The following SLC25A48 variants were observed in gnomAD, a reference collection of about 807,000 sequenced individuals.
The protein encoded by SLC25A48 is solute carrier family 25 member 48, also known as CTC-321K16.1.
Under a neutral mutation model 32.2 loss-of-function variants are expected in SLC25A48, and 29 were observed. The observed-to-expected ratio is 0.90, with a 90% CI of 0.67 to 1.23. The LOEUF (loss-of-function observed/expected upper bound fraction) is 1.23, where lower values mean the gene tolerates loss of function less well. SLC25A48 is among the 50% of genes most tolerant of loss of function. The pLI is 0.00. For synonymous variants in SLC25A48, 164 were observed against 172.3 expected, an observed-to-expected ratio of 0.95 and a Z score of 0.38; for missense variants, 399 against 422.7, an observed-to-expected ratio of 0.94 and a Z score of 0.49.
intron 3 of SLC25A48, among the ~76,000 whole-genome samples, chr5:135,797,519 A>G (rs887111108): frequency 1.1e-4 from 17 of 151,872 alleles, no homozygotes; most frequent in African/African-American, 2.2e-4. Context: ...ATACTTCCTA[A>G]AGTTTAGAAA....
In SLC25A48 at chr5:135,879,951, C is replaced by A. The variant is rs1284598652; in HGVS notation, c.814-17C>A. The stretch of plus-strand genomic sequence containing the variant: ...GTGTGGGTCAGTCCCCTGCAATAAC[C>A]TGGCCCCTGTGCAAAGGTGTTTTTC... On this transcript the variant is annotated splice_polypyrimidine_tract_variant and intron_variant, in intron 6 of 7. Coordinates refer to ENST00000681962, the MANE Select transcript of SLC25A48 (RefSeq NM_001349336.2). 3.9e-6 allele frequency: 6 copies of A among 1,536,178 alleles called. No individual in the cohort carries two copies. Among genetic ancestry groups the A allele is most frequent in the Non-Finnish European group, 5.2e-6 (6 of 1,146,834 alleles).
intron 1 of SLC25A48, among the ~76,000 whole-genome samples, chr5:135,613,389 A>G (rs755684353): frequency 6.6e-6 from 1 of 151,866 alleles, no homozygotes; most frequent in Non-Finnish European, 1.5e-5. Flanking sequence ...GTGCCTCTTC[A>G]CTCTGTTGGT....
At chr5:135,750,971 C>A (rs1204027654) in intron 3 of SLC25A48, among the ~76,000 whole-genome samples, 1 of 152,200 alleles carries the variant, frequency 6.6e-6, no homozygotes, top group African/African-American at 2.4e-5. Flanking sequence ...TGGAACTGAG[C>A]TGAGCCACCT....
intron 3 of SLC25A48, among the ~76,000 whole-genome samples, chr5:135,801,364 T>A (rs1393252308): frequency 6.6e-6 from 1 of 151,266 alleles, no homozygotes; most frequent in Non-Finnish European, 1.5e-5. Flanking sequence ...ATGATATCAC[T>A]CTCAATATCG....
At chr5:135,701,729 A>G (rs1360577900) in intron 3 of SLC25A48, among the ~76,000 whole-genome samples, 3 of 152,168 alleles carry the variant, frequency 2.0e-5, no homozygotes, top group Non-Finnish European at 4.4e-5. Flanking sequence ...TGTGGTCCAG[A>G]TCTGGGCATT....
At chr5:135,768,726 A>G (rs757809702) in intron 3 of SLC25A48, among the ~76,000 whole-genome samples, 2 of 151,740 alleles carry the variant, frequency 1.3e-5, no homozygotes, top group Non-Finnish European at 2.9e-5. Flanking sequence ...ATTTTTCATA[A>G]TATCCAGGGA....
chr5:135,854,616 T>A (rs1215245813), intron 4 of SLC25A48, among the ~76,000 whole-genome samples: 7 of 152,234 alleles, frequency 4.6e-5, no homozygotes. Context: ...TTTCTCTGAG[T>A]TAGGCTTTGG....
At chr5:135,849,810 T>TCCCTGA (rs1252215313) in intron 2 of SLC25A48, among the ~76,000 whole-genome samples, 14 of 152,230 alleles carry the variant, frequency 9.2e-5, no homozygotes, top group Non-Finnish European at 5.9e-5. Flanking sequence ...ATGCAACTCA[T>TCCCTGA]GCAGGGCTCA....
intron 3 of SLC25A48, among the ~76,000 whole-genome samples, chr5:135,662,675 G>A (rs545986470): frequency 5.1e-5 from 7 of 137,634 alleles, no homozygotes; most frequent in Admixed American, 2.2e-4. Flanking sequence ...TCTCTTTGCC[G>A]TCTTGCAGCT....
intron 1 of SLC25A48, among the ~76,000 whole-genome samples, chr5:135,599,671 A>G (rs1229171451): frequency 6.6e-6 from 1 of 152,222 alleles, no homozygotes; most frequent in Non-Finnish European, 1.5e-5. Flanking sequence ...TCCTGACCAC[A>G]GACCAGCACA....
At chr5:135,728,438 C>G (rs920078843) in intron 3 of SLC25A48, among the ~76,000 whole-genome samples, 3 of 152,042 alleles carry the variant, frequency 2.0e-5, no homozygotes, top group African/African-American at 7.2e-5. Context: ...TATGATGACC[C>G]TTTTTCCGTG....
At chr5:135,617,076 G>T (rs769377880) in intron 1 of SLC25A48, among the ~76,000 whole-genome samples, 4 of 151,734 alleles carry the variant, frequency 2.6e-5, no homozygotes, top group Non-Finnish European at 4.4e-5. Flanking sequence ...ATCAATAAAG[G>T]CATCCAATCC....
In SLC25A48 at chr5:135,756,119, A is replaced by C. The variant is rs1755895948; in HGVS notation, c.-520-56404A>C. Among the ~76,000 whole-genome samples the C allele has an allele frequency of 3.3e-5, 5 of 152,216 alleles. No individual in the cohort carries two copies. The South Asian group carries it at 1.0e-3, about 32-fold the overall frequency. ...TGTCAACACACTATGGTATTAATGA[A>C]ATATTGCTGTGATATTTATCGTATC... On this transcript the variant is annotated intron_variant, in intron 3 of 10. Transcript: ENST00000646290.
At chr5:135,774,602 T>A (rs546028657) in intron 3 of SLC25A48, among the ~76,000 whole-genome samples, 1 of 151,856 alleles carries the variant, frequency 6.6e-6, no homozygotes, top group Non-Finnish European at 1.5e-5. Context: ...TCTTCTGATA[T>A]TGTTCCTATT....
intron 3 of SLC25A48, chr5:135,742,516 A>G (rs1755522974): frequency 2.6e-6 from 4 of 1,559,602 alleles, no homozygotes; most frequent in Non-Finnish European, 3.5e-6. Flanking sequence ...TGCTTTTCCC[A>G]ACACTGCCTT....
chr5:135,747,169 A>G (rs1755661233), intron 3 of SLC25A48, among the ~76,000 whole-genome samples: 1 of 151,916 alleles, frequency 6.6e-6, no homozygotes, highest in Non-Finnish European at 1.5e-5. Flanking sequence ...CTGAAAGACC[A>G]TGTGACCATC....
intron 3 of SLC25A48, among the ~76,000 whole-genome samples, chr5:135,795,502 T>C (rs1330777531): frequency 6.6e-6 from 1 of 151,840 alleles, no homozygotes; most frequent in Non-Finnish European, 1.5e-5. Flanking sequence ...TGTCATATTA[T>C]TCCCAATATT....
In SLC25A48 at chr5:135,866,283, A is replaced by G. The variant is rs915831848; in HGVS notation, c.422-5178A>G. On this transcript the variant is annotated intron_variant, in intron 4 of 7. Transcript: ENST00000681962. The stretch of plus-strand genomic sequence containing the variant: ...CCAGGCCTTTGTGCTCCTGAGGGCC[A>G]GCCCTGCTCCCCTCAGTGGCCAGCC... 9.2e-5 allele frequency among the ~76,000 whole-genome samples: 14 copies of G among 152,378 alleles called. No individual in the cohort carries two copies. The East Asian group carries it at 2.1e-3, about 23-fold the overall frequency.
chr5:135,873,481 A>T (rs551679152), intron 5 of SLC25A48, among the ~76,000 whole-genome samples: 1 of 151,918 alleles, frequency 6.6e-6, no homozygotes, highest in Non-Finnish European at 1.5e-5. Flanking sequence ...TCTTTTTGCA[A>T]CCCCCAGGCT....
Sources: allele counts gnomAD v4.1 joint callset (sites outside exome capture counted in the v4.1 genomes callset), GRCh38; gene constraint gnomAD v4.1.1; transcripts MANE v1.5; gene names NCBI Gene and HGNC (gene_info 2026-07-23, HGNC 2026-07-21).